The following IQSEC1 variants were observed in gnomAD, a reference collection of about 807,000 sequenced individuals.
IQSEC1 encodes IQ motif and SEC7 domain-containing protein 1.
Under a neutral mutation model 91.0 loss-of-function variants are expected in IQSEC1, and 31 were observed. The observed-to-expected ratio is 0.34, with a 90% CI of 0.26 to 0.46. The LOEUF (loss-of-function observed/expected upper bound fraction) is 0.46, where lower values mean the gene tolerates loss of function less well. IQSEC1 is among the 20% of genes least tolerant of loss of function. IQSEC1 has a pLI of 1.00. For synonymous variants in IQSEC1, 699 were observed against 662.6 expected (o/e 1.05, Z -0.84); for missense variants, 1,388 against 1,575.6 (o/e 0.88, Z 2.02).
chr3:13,019,194 C>A (rs537135929), intron 1 of IQSEC1, among the ~76,000 whole-genome samples: 1 of 152,354 alleles, frequency 6.6e-6, no homozygotes, highest in South Asian at 2.1e-4. Flanking sequence ...CCAAGCTGTT[C>A]TGTCCAGGAT....
intron 1 of IQSEC1, among the ~76,000 whole-genome samples, chr3:13,265,422 C>T (rs1695470515): frequency 6.6e-6 from 1 of 152,234 alleles, no homozygotes; most frequent in Admixed American, 6.5e-5. Context: ...ACTCTGAGGT[C>T]TCAGGCTCCC....
rs1359795468 is a variant in IQSEC1 at position 12,908,075 on chromosome 3, C to T, written c.2755+274G>A. Among the ~76,000 whole-genome samples the T allele has an allele frequency of 6.6e-6, 1 of 152,240 alleles. No homozygotes were observed. The highest frequency in any genetic ancestry group is 1.5e-5 in the Non-Finnish European group (1 of 68,044). ...CAGATCAATAAACAAGTAAATAAAA[C>T]CCCTGGAAGAAGAAAGGGAAAATGG... On this transcript the variant is annotated intron_variant, in intron 12 of 13. Transcript: ENST00000613206. This position sits in a 1 kb window ranked among gnomAD's most constrained non-coding sequence, Gnocchi z 4.9.
chr3:13,242,544 G>A (rs1695037103), intron 1 of IQSEC1, among the ~76,000 whole-genome samples: 1 of 152,194 alleles, frequency 6.6e-6, no homozygotes, highest in African/African-American at 2.4e-5. Flanking sequence ...GCACATCCCG[G>A]CCGTGGCTGA....
In IQSEC1 at chr3:13,149,241, C is replaced by T. The variant is rs576263368; in HGVS notation, c.302+14863G>A. 1.2e-4 allele frequency among the ~76,000 whole-genome samples: 19 copies of T among 152,338 alleles called. No individual in the cohort carries two copies. In the South Asian group the frequency reaches 3.5e-3, roughly 28 times the overall value. ...AGGTGGCTGCTGTTTGACCCATTCA[C>T]AGTGGGAACCTCAGATTCCCAAGGG... is the stretch of plus-strand genomic sequence containing the variant. On this transcript the variant is annotated intron_variant, in intron 2 of 15. Coordinates refer to the IQSEC1 transcript ENST00000648114.
chr3:12,938,331 T>A (rs1280938482), intron 2 of IQSEC1, among the ~76,000 whole-genome samples: 1 of 152,098 alleles, frequency 6.6e-6, no homozygotes. Flanking sequence ...ACTGAAATAA[T>A]GCCAAACAGA....
At chr3:13,028,517 T>C (rs931471157) in intron 1 of IQSEC1, among the ~76,000 whole-genome samples, 8 of 152,200 alleles carry the variant, frequency 5.3e-5, no homozygotes, top group Admixed American at 2.0e-4. Flanking sequence ...AAGAACTTGC[T>C]AAGGTGACCC....
chr3:13,077,598 T>C (rs114194505), upstream of IQSEC1, among the ~76,000 whole-genome samples: 1,628 of 152,354 alleles, frequency 0.011, 29 homozygotes, highest in African/African-American at 0.037. Context: ...ATCATAGACA[T>C]GGGCTCGGGC....
Position 12,900,377 on chromosome 3 carries a change from G to A in IQSEC1, c.*606C>T. Reference sequence around the variant, plus strand: ...GTACTGTCTTCCTATTAGGTAAGTGGAGCTCCTTGTAAGGTGGGTATTGCT... The same window carrying A: ...GTACTGTCTTCCTATTAGGTAAGTGAAGCTCCTTGTAAGGTGGGTATTGCT... On this transcript the variant is annotated 3_prime_UTR_variant, in exon 14 of 14. Coordinates refer to ENST00000613206, the MANE Select transcript of IQSEC1 (RefSeq NM_001134382.3). 3.0e-6 allele frequency: 3 copies of A among 984,776 alleles called. No homozygotes were observed. The highest frequency in any genetic ancestry group is 2.4e-6 in the Non-Finnish European group (2 of 829,844). The allele number at this position is 984,776 out of a possible 1,614,324, so 61.0% of individuals were successfully genotyped here. A position where few individuals can be genotyped will look rare whatever the true frequency, so the allele number is the denominator to read the frequency against.
At chr3:12,901,656 G>C in intron 13 of IQSEC1, 134 bp from the exon 14 acceptor site, 1 of 776,348 alleles carries the variant, frequency 1.3e-6, no homozygotes, top group Middle Eastern at 3.2e-4. Flanking sequence ...CCAGAGGGTG[G>C]GGCTCAGTGA....
rs1450058395 is a variant in IQSEC1 at position 12,908,306 on chromosome 3, G to T, written c.2755+43C>A. The T allele has an allele frequency of 1.3e-6, 2 of 1,599,236 alleles. No homozygotes were observed. The highest frequency in any genetic ancestry group is 1.7e-6 in the Non-Finnish European group (2 of 1,171,782). Reference sequence around the variant, plus strand: ...AATGCAGACGCCCTGCCTCGGTCTTGCATGCGCTGGGCTAGCAAGGTGGTT... The same window carrying T: ...AATGCAGACGCCCTGCCTCGGTCTTTCATGCGCTGGGCTAGCAAGGTGGTT... On this transcript the variant is annotated intron_variant, in intron 12 of 13. Transcript: ENST00000613206. This position sits in a 1 kb window ranked among gnomAD's most constrained non-coding sequence, Gnocchi z 4.9.
chr3:12,899,434 A>G lies in IQSEC1; in HGVS notation c.*1549T>C, dbSNP rs2124954778. 6.2e-7 allele frequency: 1 copy of G among 1,610,456 alleles called. No homozygotes were observed. The highest frequency in any genetic ancestry group is 2.2e-5 in the East Asian group (1 of 44,764). On this transcript the variant is annotated 3_prime_UTR_variant, in exon 14 of 14. Coordinates refer to ENST00000613206, the MANE Select transcript of IQSEC1 (RefSeq NM_001134382.3). ...GGCTGCAGTGGCTCGAAAGGCTGAA[A>G]CTACAAAGTATGGCCCGTGGGTGAC...
At chr3:13,124,059 G>A (rs1373121378) in intron 2 of IQSEC1, among the ~76,000 whole-genome samples, 1 of 152,132 alleles carries the variant, frequency 6.6e-6, no homozygotes, top group Non-Finnish European at 1.5e-5. Context: ...TGTCATAACC[G>A]GCAGGCATGG....
intron 2 of IQSEC1, among the ~76,000 whole-genome samples, chr3:13,152,451 G>A (rs1707015282): frequency 6.6e-6 from 1 of 152,220 alleles, no homozygotes. Flanking sequence ...AGCTCTCTGA[G>A]ACATGAAACT....
rs75490943 is a variant in IQSEC1 at position 12,906,514 on chromosome 3, C to T, written c.2755+1835G>A. The stretch of plus-strand genomic sequence containing the variant: ...CACCTCGCTTCACCCCCAAACCTTT[C>T]GGGGTACAGGGGGGTCCCTGAGATC... On this transcript the variant is annotated intron_variant, in intron 12 of 13. Coordinates refer to ENST00000613206, the MANE Select transcript of IQSEC1 (RefSeq NM_001134382.3). Among the ~76,000 whole-genome samples the T allele has an allele frequency of 9.8e-3, 1,486 of 152,342 alleles. 26 individuals carry two copies. The highest frequency in any genetic ancestry group is 0.034 in the African/African-American group (1,411 of 41,576).
chr3:12,963,050 G>A (rs998091308), intron 1 of IQSEC1, among the ~76,000 whole-genome samples: 2 of 152,244 alleles, frequency 1.3e-5, no homozygotes, highest in African/African-American at 4.8e-5. Flanking sequence ...CTGAAGCCAG[G>A]CAGGCGGAGT....
chr3:13,191,477 ATTTTTTTTTT>A (rs57912681), intron 1 of IQSEC1, among the ~76,000 whole-genome samples: 336 of 92,110 alleles, frequency 3.6e-3, no homozygotes, highest in African/African-American at 0.014. Context: ...CACCCAGCTA[ATTTTTTTTTT>A]TTTTTTTTTT....
At chr3:13,009,010 C>A (rs968615399) in intron 1 of IQSEC1, among the ~76,000 whole-genome samples, 1 of 152,216 alleles carries the variant, frequency 6.6e-6, no homozygotes, top group Non-Finnish European at 1.5e-5. Context: ...TGGGTCTTGG[C>A]CTGGCTTTCT....
chr3:13,256,897 AGCCAGCG>A (rs959044732), intron 1 of IQSEC1, among the ~76,000 whole-genome samples: 1 of 147,888 alleles, frequency 6.8e-6, no homozygotes, highest in African/African-American at 2.6e-5. Flanking sequence ...CAGCACCAGC[AGCCAGCG>A]GCCCCTATCT....
intron 1 of IQSEC1, among the ~76,000 whole-genome samples, chr3:13,049,482 T>C (rs1704612160): frequency 6.6e-6 from 1 of 152,166 alleles, no homozygotes; most frequent in Non-Finnish European, 1.5e-5. Flanking sequence ...GCATTAACCT[T>C]ATGAGGTACA....
Sources: allele counts gnomAD v4.1 joint callset (sites outside exome capture counted in the v4.1 genomes callset), GRCh38; gene constraint gnomAD v4.1.1; non-coding constraint Gnocchi (gnomAD v3.1); transcripts MANE v1.5; gene names NCBI Gene and HGNC (gene_info 2026-07-23, HGNC 2026-07-21).